FAM168A: variants seen among roughly 807,000 people sequenced by gnomAD.
The protein encoded by FAM168A is protein FAM168A.
In FAM168A, 3 loss-of-function variants were observed where a neutral mutation model predicts 28.5. The ratio of observed to expected loss-of-function variants is 0.11; its 90% confidence interval spans 0.05 to 0.27. The LOEUF (loss-of-function observed/expected upper bound fraction) is 0.27. FAM168A is among the 10% of genes least tolerant of loss of function. FAM168A has a pLI of 1.00. For missense variants in FAM168A, 222 were observed against 311.5 expected (o/e 0.71, Z 2.16); for synonymous variants, 122 against 124.2 (o/e 0.98, Z 0.12).
chr11:73,516,156 AGATTTCT>A (rs1194670089), intron 1 of FAM168A, among the ~76,000 whole-genome samples: 1 of 152,080 alleles, frequency 6.6e-6, no homozygotes, highest in Non-Finnish European at 1.5e-5. Flanking sequence ...AAAGGCATTA[AGATTTCT>A]GGCTCTTTGG....
chr11:73,585,506 C>T (rs1944302302), intron 1 of FAM168A, among the ~76,000 whole-genome samples: 1 of 152,280 alleles, frequency 6.6e-6, no homozygotes, highest in East Asian at 1.9e-4. Context: ...AGGGAAAATT[C>T]ATCCCATTAA....
intron 1 of FAM168A, among the ~76,000 whole-genome samples, chr11:73,532,878 G>T (rs1943531352): frequency 6.6e-6 from 1 of 152,182 alleles, no homozygotes; most frequent in African/African-American, 2.4e-5. Context: ...GGTGAACTTG[G>T]ACAAGTCATT....
chr11:73,530,981 G>C (rs1943508165), intron 1 of FAM168A, among the ~76,000 whole-genome samples: 1 of 152,090 alleles, frequency 6.6e-6, no homozygotes, highest in African/African-American at 2.4e-5. Flanking sequence ...CTCTATGTTG[G>C]CTGTTGAAAA....
At chr11:73,411,335 C>G in intron 5 of FAM168A, 59 bp downstream of exon 5, 1 of 1,531,856 alleles carries the variant, frequency 6.5e-7, no homozygotes. Flanking sequence ...CCCCACCACA[C>G]TGCACCCAGG....
chr11:73,561,479 T>A (rs567611512), intron 1 of FAM168A, among the ~76,000 whole-genome samples: 9 of 151,882 alleles, frequency 5.9e-5, no homozygotes, highest in South Asian at 2.1e-4. Flanking sequence ...ATATATATAT[T>A]ATTCTATTTT....
At chr11:73,442,907 T>C (rs1867224464) in intron 2 of FAM168A, among the ~76,000 whole-genome samples, 2 of 125,220 alleles carry the variant, frequency 1.6e-5, no homozygotes, top group African/African-American at 3.0e-5. Flanking sequence ...AAGTGACAGC[T>C]TGAGGAGACA....
Position 73,403,451 on chromosome 11 carries a change from TGAG to T in FAM168A, c.*3309_*3311del, listed in dbSNP as rs1339719585. 2 of 152,222 alleles carry T rather than the reference TGAG, an allele frequency of 1.3e-5. No individual in the cohort carries two copies. Among genetic ancestry groups the T allele is most frequent in the African/African-American group, 2.4e-5 (1 of 41,442 alleles). The allele number at this position is 152,222 out of a possible 1,614,324, so 9.4% of individuals were successfully genotyped here. A position where few individuals can be genotyped will look rare whatever the true frequency, so the allele number is the denominator to read the frequency against. On this transcript the variant is annotated 3_prime_UTR_variant, in exon 8 of 8. Transcript: ENST00000356467. Reference sequence around the variant, plus strand: ...TTGCACTTGGGGAGAGGCAGTGGCATGAGGAGGAGAGAGGGGTTTGCATCCTGG... The same window carrying T: ...TTGCACTTGGGGAGAGGCAGTGGCATGAGGAGAGAGGGGTTTGCATCCTGG...
chr11:73,479,822 T>G (rs528578849), intron 1 of FAM168A, among the ~76,000 whole-genome samples: 66 of 152,268 alleles, frequency 4.3e-4, no homozygotes, highest in Non-Finnish European at 6.9e-4. Context: ...CAATAAACAT[T>G]TGTTGACTAG....
chr11:73,487,337 C>T (rs1412506205), intron 1 of FAM168A, among the ~76,000 whole-genome samples: 1 of 152,162 alleles, frequency 6.6e-6, no homozygotes, highest in East Asian at 1.9e-4. Context: ...TCCTGTGCAG[C>T]ACTTTCAAGC....
intron 1 of FAM168A, among the ~76,000 whole-genome samples, chr11:73,524,623 A>T (rs1352747513): frequency 6.6e-6 from 1 of 152,034 alleles, no homozygotes. Flanking sequence ...TATGAAATAG[A>T]GTCTTGCTCT....
intron 1 of FAM168A, among the ~76,000 whole-genome samples, chr11:73,520,444 A>G (rs1465166422): frequency 2.0e-5 from 3 of 152,318 alleles, no homozygotes; most frequent in Middle Eastern, 3.4e-3. Context: ...CTGTATAACT[A>G]GATGTAGTCA....
chr11:73,510,119 A>T (rs1363867652), intron 1 of FAM168A, among the ~76,000 whole-genome samples: 1 of 152,094 alleles, frequency 6.6e-6, no homozygotes, highest in Non-Finnish European at 1.5e-5. Flanking sequence ...GTGTACTAGA[A>T]AGAAGACTAG....
intron 3 of FAM168A, among the ~76,000 whole-genome samples, chr11:73,427,714 C>T (rs1866914858): frequency 6.6e-6 from 1 of 152,174 alleles, no homozygotes; most frequent in Non-Finnish European, 1.5e-5. Flanking sequence ...ACATAGAAAA[C>T]ATTCAATAAA....
chr11:73,565,866 T>G (rs991816539), intron 1 of FAM168A, among the ~76,000 whole-genome samples: 2 of 152,164 alleles, frequency 1.3e-5, no homozygotes, highest in Non-Finnish European at 2.9e-5. Flanking sequence ...GGCATCCAAT[T>G]AAGTAATAAC....
At chr11:73,533,821 TA>T (rs1395056550) in intron 1 of FAM168A, among the ~76,000 whole-genome samples, 2 of 152,196 alleles carry the variant, frequency 1.3e-5, no homozygotes, top group Non-Finnish European at 2.9e-5. Flanking sequence ...CTCAAAACAG[TA>T]AACTTTTGGG....
chr11:73,529,404 C>T (rs1943488539), intron 1 of FAM168A, among the ~76,000 whole-genome samples: 1 of 152,070 alleles, frequency 6.6e-6, no homozygotes, highest in South Asian at 2.1e-4. Context: ...AAATGGGCTC[C>T]AGAAATGAAA....
intron 1 of FAM168A, among the ~76,000 whole-genome samples, chr11:73,506,727 C>T (rs931534266): frequency 2.0e-5 from 3 of 152,146 alleles, no homozygotes; most frequent in Non-Finnish European, 2.9e-5. Context: ...ATTTAATATA[C>T]TATATATCAC....
At chr11:73,588,540 A>G (rs922503702) in intron 1 of FAM168A, among the ~76,000 whole-genome samples, 4 of 152,102 alleles carry the variant, frequency 2.6e-5, no homozygotes, top group Non-Finnish European at 4.4e-5. Context: ...AAAACTACAA[A>G]AATTAGCAAG....
At chr11:73,408,269 T>C (rs986980475) in intron 6 of FAM168A, among the ~76,000 whole-genome samples, 4 of 152,206 alleles carry the variant, frequency 2.6e-5, no homozygotes, top group Non-Finnish European at 2.9e-5. Flanking sequence ...ACCTGGGTGT[T>C]CCTTAAGGAC....
Sources: gnomAD v4.1 joint callset for allele counts (sites outside exome capture counted in the v4.1 genomes callset) on GRCh38, gnomAD v4.1.1 for gene constraint, MANE v1.5 for transcripts, NCBI Gene and HGNC (gene_info 2026-07-23, HGNC 2026-07-21) for gene names.